RSPH14: variants seen among roughly 807,000 people sequenced by gnomAD.
The protein encoded by RSPH14 is radial spoke head 14 homolog.
A neutral mutation model predicts 26.7 loss-of-function variants in RSPH14; 20 were observed. That is an observed-to-expected ratio of 0.75 (90% CI 0.53 to 1.09). RSPH14 has a LOEUF of 1.09. Ranked by LOEUF, RSPH14 falls within the 50% of genes least tolerant of loss-of-function variation. The pLI is 0.00. For synonymous variants in RSPH14, 177 were observed against 189.3 expected (o/e 0.93, Z 0.53); for missense variants, 449 against 457.2 (o/e 0.98, Z 0.16).
the RSPH14 span, chr22:23,155,873 G>A: frequency 1.3e-5 from 15 of 1,177,266 alleles, no homozygotes; most frequent in South Asian, 1.5e-4. Flanking sequence ...CAGGCCCTTA[G>A]GGTCTCCCAC....
At chr22:23,097,236 G>C (rs1001943892) in intron 4 of RSPH14, among the ~76,000 whole-genome samples, 2 of 152,202 alleles carry the variant, frequency 1.3e-5, no homozygotes, top group African/African-American at 4.8e-5. Context: ...CTAGGGGAGG[G>C]TGATGCTGGG....
intron 4 of RSPH14, among the ~76,000 whole-genome samples, chr22:23,117,684 A>G (rs988072484): frequency 2.6e-5 from 4 of 152,214 alleles, no homozygotes; most frequent in Non-Finnish European, 5.9e-5. Context: ...CCGTGTCAGC[A>G]CCTTTGTGCC....
chr22:23,159,117 T>TGG, the RSPH14 span: 1 of 1,595,560 alleles, frequency 6.3e-7, no homozygotes, highest in Non-Finnish European at 8.6e-7. Context: ...TGGGCCTCCC[T>TGG]GCAGGAGAGC....
intron 4 of RSPH14, among the ~76,000 whole-genome samples, chr22:23,082,375 C>CTT (rs1413043978): frequency 7.2e-4 from 95 of 131,800 alleles, no homozygotes; most frequent in African/African-American, 2.6e-3. Context: ...CCACACCTGG[C>CTT]TATTTTTTTT....
chr22:23,071,672 G>A lies in RSPH14; in HGVS notation c.422-7539C>T, dbSNP rs1036638277. On this transcript the variant is annotated intron_variant, in intron 4 of 6. Transcript: ENST00000216036. This position sits in a 1 kb window ranked among gnomAD's most constrained non-coding sequence, Gnocchi z 4.1. ...GATTGACCACCGCATAGGGGAAAAC[G>A]TCTCTACTCGACCAACCCCGCTTGA... is the stretch of plus-strand genomic sequence containing the variant. Among the ~76,000 whole-genome samples the A allele has an allele frequency of 2.6e-5, 4 of 152,192 alleles. No individual in the cohort carries two copies. Among genetic ancestry groups the A allele is most frequent in the African/African-American group, 9.7e-5 (4 of 41,448 alleles).
At chr22:23,109,053 G>A (rs942767839) in intron 4 of RSPH14, among the ~76,000 whole-genome samples, 2 of 152,216 alleles carry the variant, frequency 1.3e-5, no homozygotes, top group Admixed American at 1.3e-4. Flanking sequence ...GTCATCGTGG[G>A]AAGAGCAGTG....
chr22:23,132,186 G>A (rs2070371631), intron 4 of RSPH14, among the ~76,000 whole-genome samples: 1 of 152,176 alleles, frequency 6.6e-6, no homozygotes, highest in Non-Finnish European at 1.5e-5. Flanking sequence ...AACCTGTCCA[G>A]GGCACACGGG....
At chr22:23,066,812 G>T (rs1343123514) in intron 4 of RSPH14, among the ~76,000 whole-genome samples, 1 of 152,148 alleles carries the variant, frequency 6.6e-6, no homozygotes, top group African/African-American at 2.4e-5. Context: ...TCAGCCAGAT[G>T]GGGTGGCACC....
At chr22:23,150,213 G>A in the RSPH14 span, 2 of 1,334,220 alleles carry the variant, frequency 1.5e-6, no homozygotes, top group Admixed American at 1.9e-5. Flanking sequence ...AGTGCATGAA[G>A]CACGTGAAAG....
At chr22:23,074,897 G>A (rs1418407432) in intron 4 of RSPH14, among the ~76,000 whole-genome samples, 1 of 152,142 alleles carries the variant, frequency 6.6e-6, no homozygotes, top group Admixed American at 6.5e-5. Flanking sequence ...GGCCTGACAT[G>A]ATGGCGCACA....
At chr22:23,157,992 T>C in the RSPH14 span, 1 of 1,614,086 alleles carries the variant, frequency 6.2e-7, no homozygotes, top group Non-Finnish European at 8.5e-7. Context: ...GGGTGTCTAG[T>C]GATCATCACG....
the RSPH14 span, among the ~76,000 whole-genome samples, chr22:23,171,718 T>C: frequency 6.6e-6 from 1 of 151,830 alleles, no homozygotes; most frequent in Admixed American, 6.6e-5. Flanking sequence ...GGCACGTGCC[T>C]GTAATCTCAG....
the RSPH14 span, chr22:23,162,041 G>A: frequency 5.9e-6 from 1 of 168,566 alleles, no homozygotes; most frequent in African/African-American, 2.4e-5. Flanking sequence ...ACCTGAAGGA[G>A]AGGCCACCTG....
At chr22:23,138,671 G>A (rs146298681) in intron 3 of RSPH14, among the ~76,000 whole-genome samples, 169 bp downstream of exon 3, 1 of 152,230 alleles carries the variant, frequency 6.6e-6, no homozygotes, top group African/African-American at 2.4e-5. Context: ...TCCACACAGA[G>A]GCAACCAAAA....
At chr22:23,160,935 G>A in the RSPH14 span, 1 of 1,613,898 alleles carries the variant, frequency 6.2e-7, no homozygotes, top group Non-Finnish European at 8.5e-7. Context: ...CGAGCAGTCG[G>A]TGCTGCAGGA....
chr22:23,095,990 G>T, intron 4 of RSPH14: 1 of 1,609,750 alleles, frequency 6.2e-7, no homozygotes, highest in Non-Finnish European at 8.5e-7. Flanking sequence ...CCACAACCCC[G>T]ACCGCGCCTA....
At chr22:23,102,265 G>A (rs562655707) in intron 4 of RSPH14, among the ~76,000 whole-genome samples, 1 of 152,334 alleles carries the variant, frequency 6.6e-6, no homozygotes, top group East Asian at 1.9e-4. Context: ...GGCTTTATGC[G>A]TGACCCCATG....
intron 4 of RSPH14, among the ~76,000 whole-genome samples, chr22:23,100,301 A>G (rs532216402): frequency 6.6e-6 from 1 of 152,358 alleles, no homozygotes; most frequent in East Asian, 1.9e-4. Flanking sequence ...AGTTCCCAGC[A>G]GTGTCCCCAT....
At chr22:23,121,391 C>T (rs1044186099) in intron 4 of RSPH14, among the ~76,000 whole-genome samples, 1 of 152,176 alleles carries the variant, frequency 6.6e-6, no homozygotes, top group Admixed American at 6.5e-5. Context: ...CTCTGGAGAG[C>T]AGGGTTTCTA....
Sources: allele counts gnomAD v4.1 joint callset (sites outside exome capture counted in the v4.1 genomes callset), GRCh38; gene constraint gnomAD v4.1.1; non-coding constraint Gnocchi (gnomAD v3.1); transcripts MANE v1.5; gene names NCBI Gene and HGNC (gene_info 2026-07-23, HGNC 2026-07-21).